The following ADAM17 variants were observed in gnomAD, a reference collection of about 807,000 sequenced individuals.
ADAM17 encodes ADAM metallopeptidase domain 17.
A neutral mutation model predicts 96.7 loss-of-function variants in ADAM17; 39 were observed. That is an observed-to-expected ratio of 0.40 (90% CI 0.31 to 0.53). The LOEUF (loss-of-function observed/expected upper bound fraction) is 0.53. ADAM17 is among the 20% of genes least tolerant of loss of function. ADAM17 has a pLI of 0.44. For missense variants in ADAM17, 777 were observed against 1,013.2 expected (o/e 0.77, Z 3.17); for synonymous variants, 344 against 359.2 (o/e 0.96, Z 0.48).
chr2:9,534,365 T>C (rs185169706), intron 4 of ADAM17, among the ~76,000 whole-genome samples: 2 of 151,628 alleles, frequency 1.3e-5, no homozygotes, highest in Admixed American at 6.6e-5. Flanking sequence ...TGATACTCCA[T>C]CTCAAAAAAA....
intron 4 of ADAM17, among the ~76,000 whole-genome samples, chr2:9,530,883 C>T (rs748803550): frequency 2.2e-4 from 34 of 152,298 alleles, no homozygotes; most frequent in Admixed American, 3.9e-4. Context: ...TGTTTAAGGG[C>T]TACAGGGTAT....
intron 14 of ADAM17, chr2:9,496,216 C>T (rs1271657767): frequency 6.6e-6 from 1 of 152,160 alleles, no homozygotes; most frequent in East Asian, 1.9e-4. Context: ...GCAACCTCCG[C>T]CCCCTGGGTT....
chr2:9,522,159 A>G, intron 7 of ADAM17: 1 of 348,832 alleles, frequency 2.9e-6, no homozygotes, highest in African/African-American at 2.1e-5. Flanking sequence ...TATTTATAAT[A>G]AAACAAGTGA....
intron 1 of ADAM17, among the ~76,000 whole-genome samples, chr2:9,552,975 T>A (rs901824604): frequency 1.3e-5 from 2 of 152,214 alleles, no homozygotes; most frequent in South Asian, 4.1e-4. Flanking sequence ...TAATAAAGCA[T>A]GTTTTTCAAC....
chr2:9,536,528 T>C (rs140110405), intron 3 of ADAM17, among the ~76,000 whole-genome samples, 170 bp downstream of exon 3: 1 of 152,166 alleles, frequency 6.6e-6, no homozygotes, highest in Non-Finnish European at 1.5e-5. Flanking sequence ...TTTCCTTCTA[T>C]TAGAATGTTC....
intron 14 of ADAM17, 146 bp downstream of exon 14, chr2:9,496,968 C>A: frequency 3.2e-6 from 4 of 1,237,134 alleles, no homozygotes; most frequent in East Asian, 2.5e-5. Flanking sequence ...TGTCTCCAGA[C>A]ACCACCCTGC....
Position 9,505,022 on chromosome 2 carries a change from T to A in ADAM17, c.1544+144A>T. 9 of 910,238 alleles carry A rather than the reference T, an allele frequency of 9.9e-6. No homozygotes were observed. In the South Asian group the frequency reaches 1.5e-4, roughly 15 times the overall value. 56.4% of individuals were successfully genotyped at this position (910,238 alleles called of 1,614,324 possible). A position where few individuals can be genotyped will look rare whatever the true frequency, so the allele number is the denominator to read the frequency against. ...CCAGGCCCAGAAAGCAATTTCTTGC[T>A]GTGAAGGGCAAAAGAGGTAGATGTA... On this transcript the variant is annotated intron_variant, in intron 12 of 18. Coordinates refer to ENST00000310823, the MANE Select transcript of ADAM17 (RefSeq NM_003183.6).
At chr2:9,519,574 T>C (rs909280903) in intron 8 of ADAM17, among the ~76,000 whole-genome samples, 1 of 152,154 alleles carries the variant, frequency 6.6e-6, no homozygotes, top group African/African-American at 2.4e-5. Flanking sequence ...AATTCAAATG[T>C]TGAAGTCCTA....
At chr2:9,510,663 CAAAA>C (rs57462514) in intron 10 of ADAM17, among the ~76,000 whole-genome samples, 3 of 84,798 alleles carry the variant, frequency 3.5e-5, no homozygotes, top group Admixed American at 1.4e-4. Flanking sequence ...GACTTCGTCT[CAAAA>C]AAAAAAAAAA....
At chr2:9,501,323 G>A (rs1304838193) in intron 13 of ADAM17, among the ~76,000 whole-genome samples, 4 of 152,132 alleles carry the variant, frequency 2.6e-5, no homozygotes, top group Non-Finnish European at 4.4e-5. Flanking sequence ...AATTCCAAGC[G>A]TTGGCCAGAA....
intron 6 of ADAM17, 31 bp downstream of exon 6, chr2:9,526,080 T>G: frequency 6.4e-7 from 1 of 1,565,530 alleles, no homozygotes; most frequent in Non-Finnish European, 8.7e-7. Flanking sequence ...AATTTTTTTT[T>G]CAATTACTCG....
chr2:9,504,977 G>A (rs1445001761), intron 12 of ADAM17, among the ~76,000 whole-genome samples, 189 bp downstream of exon 12: 1 of 152,042 alleles, frequency 6.6e-6, no homozygotes, highest in African/African-American at 2.4e-5. Context: ...GTGCTGGGAT[G>A]ACAGGAGTGA....
At chr2:9,495,966 C>T (rs1419849504) in intron 14 of ADAM17, among the ~76,000 whole-genome samples, 2 of 149,220 alleles carry the variant, frequency 1.3e-5, no homozygotes, top group Non-Finnish European at 3.0e-5. Flanking sequence ...TCCCAAAGTG[C>T]TGGGATTATA....
chr2:9,524,853 T>G (rs1664453356), intron 6 of ADAM17, among the ~76,000 whole-genome samples: 1 of 152,216 alleles, frequency 6.6e-6, no homozygotes, highest in Non-Finnish European at 1.5e-5. Context: ...AAAATGCTAA[T>G]TACCTATCTT....
intron 1 of ADAM17, among the ~76,000 whole-genome samples, chr2:9,550,308 G>A (rs991816982): frequency 2.0e-5 from 3 of 152,166 alleles, no homozygotes; most frequent in East Asian, 3.9e-4. Flanking sequence ...GACCTGGGAC[G>A]TAACCTGAGC....
chr2:9,490,952 GA>G, intron 18 of ADAM17, 148 bp downstream of exon 18: 1 of 659,432 alleles, frequency 1.5e-6, no homozygotes, highest in South Asian at 2.0e-5. Context: ...ACTGTTGTCA[GA>G]AGGGTAAACA....
chr2:9,510,247 A>G, intron 10 of ADAM17, 116 bp from the exon 11 acceptor site: 1 of 1,158,218 alleles, frequency 8.6e-7, no homozygotes, highest in Non-Finnish European at 1.2e-6. Context: ...CAAGAGAATA[A>G]GAACTGCATG....
intron 13 of ADAM17, among the ~76,000 whole-genome samples, chr2:9,501,429 A>T: frequency 6.6e-6 from 1 of 152,304 alleles, no homozygotes; most frequent in East Asian, 1.9e-4. Flanking sequence ...GACACTCCTC[A>T]GTACCCAGAG....
chr2:9,504,439 G>A (rs530646561), intron 12 of ADAM17, among the ~76,000 whole-genome samples: 5 of 149,936 alleles, frequency 3.3e-5, no homozygotes, highest in Admixed American at 6.7e-5. Context: ...GCGAGACGCC[G>A]TCTCAAAATA....
Sources: allele counts gnomAD v4.1 joint callset (sites outside exome capture counted in the v4.1 genomes callset), GRCh38; gene constraint gnomAD v4.1.1; transcripts MANE v1.5; gene names NCBI Gene and HGNC (gene_info 2026-07-23, HGNC 2026-07-21).